PCDHA7: variants seen among roughly 807,000 people sequenced by gnomAD.
The protein encoded by PCDHA7 is protocadherin alpha-7.
PCDHA7 carries 37 observed loss-of-function variants against 57.2 expected under a neutral mutation model. That is an observed-to-expected ratio of 0.65 (90% CI 0.50 to 0.85). The LOEUF (loss-of-function observed/expected upper bound fraction) is 0.85, where lower values mean the gene tolerates loss of function less well. PCDHA7 is among the 40% of genes least tolerant of loss of function. The probability of loss-of-function intolerance (pLI) is 0.00; values close to 1 mark genes in which losing one functional copy is unlikely to be tolerated. For synonymous variants in PCDHA7, 553 were observed against 558.8 expected (o/e 0.99, Z 0.15); for missense variants, 1,188 against 1,241.8 (o/e 0.96, Z 0.65).
Position 140,836,719 on chromosome 5 carries a change from G to A in PCDHA7, c.2336G>A (p.Gly779Asp), listed in dbSNP as rs1774695669. ...GCCTTCAGTCCCAGCCTTCCTCAGG[G>A]TCCATCCTCTACAGACAATGTGAGT... ...LMAFSPSLPQ[G>D]PSSTDNPRQP... Residue 779 changes from glycine to aspartate, a missense_variant, in exon 1 of 4, where the codon GGT becomes GAT. By Grantham distance (94) the Gly-to-Asp change is moderately conservative. Coordinates refer to ENST00000525929, the MANE Select transcript of PCDHA7 (RefSeq NM_018910.3). The A allele has an allele frequency of 6.2e-7, 1 of 1,612,572 alleles. No individual in the cohort carries two copies. The highest frequency in any genetic ancestry group is 1.3e-5 in the African/African-American group (1 of 74,766).
rs564801749 is a variant in PCDHA7, at chr5:140,919,703, A to G, written c.2356-59246A>G. Among the ~76,000 whole-genome samples the G allele has an allele frequency of 6.4e-4, 98 of 152,318 alleles. No individual in the cohort carries two copies. In the South Asian group the frequency reaches 0.011, roughly 16 times the overall value. ...TCTGCTTCAGATTTATATTAACTTA[A>G]TTCTAGTGAGATATAAATATGTTAC... On this transcript the variant is annotated intron_variant, in intron 1 of 3. Transcript: ENST00000525929.
intron 1 of PCDHA7, chr5:140,850,371 C>T (rs1386017704): frequency 1.9e-6 from 3 of 1,597,910 alleles, no homozygotes; most frequent in Non-Finnish European, 2.6e-6. Flanking sequence ...CCGCGTGGGG[C>T]TGTACACGGG....
At chr5:140,856,026 T>C in intron 1 of PCDHA7, 1 of 1,559,058 alleles carries the variant, frequency 6.4e-7, no homozygotes, top group Non-Finnish European at 8.7e-7. Context: ...ATTCGTCGAT[T>C]TGTAAAACAA....
Position 140,835,784 on chromosome 5 carries a change from C to G in PCDHA7, c.1401C>G (p.Asn467Lys). Residue 467 changes from asparagine (N) to lysine (K), a missense_variant, in exon 1 of 4, where the codon AAC becomes AAG. Physicochemically the swap from Asn to Lys is moderately conservative, Grantham distance 94. Around this residue, in one of 3 missense-constraint regions of PCDHA7, gnomAD observed 892 missense variants for 788.5 expected, o/e 1.13. Transcript: ENST00000525929. ...QPEYTVFVKE[N>K]NPPGCHIFTV... ...AGTATACGGTGTTCGTGAAGGAGAA[C>G]AACCCGCCGGGCTGCCACATCTTCA... The G allele has an allele frequency of 2.5e-6, 4 of 1,613,220 alleles. No individual in the cohort carries two copies. The highest frequency in any genetic ancestry group is 3.4e-6 in the Non-Finnish European group (4 of 1,179,770).
chr5:140,904,955 G>A (rs1272284537), intron 1 of PCDHA7, among the ~76,000 whole-genome samples: 1 of 152,120 alleles, frequency 6.6e-6, no homozygotes, highest in Non-Finnish European at 1.5e-5. Context: ...TTTGTCTGAT[G>A]CAGAATTTGT....
chr5:140,850,871 C>T (rs2041861877), intron 1 of PCDHA7: 1 of 1,591,984 alleles, frequency 6.3e-7, no homozygotes, highest in Admixed American at 1.7e-5. Flanking sequence ...CCTCTGCTTC[C>T]TCAGATTCAA....
chr5:140,978,907 G>T (rs782602741), intron 1 of PCDHA7, 42 bp from the exon 2 acceptor site: 3 of 1,613,648 alleles, frequency 1.9e-6, no homozygotes, highest in East Asian at 2.2e-5. Flanking sequence ...GGAGAACATT[G>T]TCTTGTCATT....
At chr5:140,864,124 T>C (rs528215401) in intron 1 of PCDHA7, 4 of 152,368 alleles carry the variant, frequency 2.6e-5, no homozygotes, top group South Asian at 2.1e-4. Flanking sequence ...TGAATTAGAC[T>C]GAGTGGCTGT....
chr5:140,875,426 A>G, intron 1 of PCDHA7: 1 of 1,532,482 alleles, frequency 6.5e-7, no homozygotes, highest in Non-Finnish European at 8.7e-7. Context: ...CAGGCAAGCG[A>G]TCCCTTAAAA....
chr5:140,901,443 T>C (rs1288584501), intron 1 of PCDHA7, among the ~76,000 whole-genome samples: 2 of 152,202 alleles, frequency 1.3e-5, no homozygotes, highest in Non-Finnish European at 2.9e-5. Flanking sequence ...ATATCTAGTT[T>C]CCCAGCACAG....
intron 1 of PCDHA7, chr5:140,857,472 C>A: frequency 6.3e-7 from 1 of 1,598,636 alleles, no homozygotes; most frequent in Non-Finnish European, 8.6e-7. Flanking sequence ...CACATCTTCA[C>A]GGTGTCTGCG....
intron 2 of PCDHA7, 165 bp downstream of exon 2, chr5:140,979,172 G>A (rs1406119348): frequency 2.1e-6 from 2 of 959,890 alleles, no homozygotes; most frequent in Admixed American, 1.2e-4. Context: ...TTGAAAGATC[G>A]CAAATGGTCA....
chr5:140,842,983 C>T (rs1554139609), intron 1 of PCDHA7: 2 of 1,594,998 alleles, frequency 1.3e-6, no homozygotes, highest in East Asian at 2.2e-5. Context: ...TGCAGGTGTT[C>T]GTGCTGGACG....
At chr5:140,962,037 C>G (rs1449536712) in intron 1 of PCDHA7, among the ~76,000 whole-genome samples, 1 of 152,066 alleles carries the variant, frequency 6.6e-6, no homozygotes, top group African/African-American at 2.4e-5. Flanking sequence ...GCACCCACCA[C>G]CATGCCTGGC....
At chr5:140,837,616 C>T (rs2150277416) in intron 1 of PCDHA7, among the ~76,000 whole-genome samples, 6 of 143,768 alleles carry the variant, frequency 4.2e-5, no homozygotes, top group African/African-American at 1.6e-4. Flanking sequence ...ATAATTTGCC[C>T]CTTCCTTCCT....
chr5:140,965,496 ATTT>A (rs71766133), intron 1 of PCDHA7, among the ~76,000 whole-genome samples: 1 of 146,428 alleles, frequency 6.8e-6, no homozygotes. Flanking sequence ...ATGACAGCAG[ATTT>A]TTTTTTTTTT....
Position 140,877,000 on chromosome 5 carries a change from G to A in PCDHA7, c.2355+40262G>A, listed in dbSNP as rs191376557. The stretch of plus-strand genomic sequence containing the variant: ...GCACGCACTGTCGAGCTACGTGTCG[G>A]TGCACGCGGAGAGCGGCAAGGTGTA... On this transcript the variant is annotated intron_variant, in intron 1 of 3. Transcript: ENST00000525929. 1.7e-3 allele frequency: 2,818 copies of A among 1,612,598 alleles called. 5 individuals carry two copies. The highest frequency in any genetic ancestry group is 1.8e-3 in the Non-Finnish European group (2,166 of 1,179,806).
chr5:141,005,932 G>A (rs1588114868), intron 3 of PCDHA7, among the ~76,000 whole-genome samples: 2 of 152,074 alleles, frequency 1.3e-5, no homozygotes, highest in East Asian at 3.9e-4. Context: ...GGTTGACAGA[G>A]TGAGAACCTA....
intron 3 of PCDHA7, among the ~76,000 whole-genome samples, chr5:141,000,775 C>G (rs919489031): frequency 5.3e-5 from 8 of 151,752 alleles, no homozygotes; most frequent in African/African-American, 1.9e-4. Context: ...GGCATAGTGG[C>G]GCACACCTGT....
Sources: allele counts gnomAD v4.1 joint callset (sites outside exome capture counted in the v4.1 genomes callset), GRCh38; gene constraint gnomAD v4.1.1; regional missense constraint gnomAD v4.1.1; transcripts MANE v1.5; gene names NCBI Gene and HGNC (gene_info 2026-07-23, HGNC 2026-07-21).